KLHL5: variants seen among roughly 807,000 people sequenced by gnomAD.
KLHL5 encodes kelch-like protein 5.
KLHL5 carries 48 observed loss-of-function variants against 77.7 expected under a neutral mutation model. That is an observed-to-expected ratio of 0.62 (90% CI 0.49 to 0.79). The LOEUF (loss-of-function observed/expected upper bound fraction) is 0.79, where lower values mean the gene tolerates loss of function less well. Ranked by LOEUF, KLHL5 falls within the 30% of genes least tolerant of loss-of-function variation. The pLI is 0.00. For synonymous variants in KLHL5, 260 were observed against 297.0 expected (o/e 0.88, Z 1.28); for missense variants, 723 against 859.7 (o/e 0.84, Z 1.99).
chr4:39,139,152 G>C, the KLHL5 span, among the ~76,000 whole-genome samples: 1 of 151,910 alleles, frequency 6.6e-6, no homozygotes, highest in South Asian at 2.1e-4. Context: ...CATGTTGGCA[G>C]ACGCCTGTAA....
At chr4:39,059,463 A>G (rs933087777), upstream of KLHL5, among the ~76,000 whole-genome samples, 4 of 152,112 alleles carry the variant, frequency 2.6e-5, no homozygotes, top group Admixed American at 2.6e-4. Context: ...AAAAGAGAAT[A>G]TGGCCAAGCA....
rs765689385 is a variant in KLHL5, at chr4:39,076,114, T to C, written c.533T>C (p.Leu178Ser). Residue 178 changes from leucine to serine, a missense_variant, in exon 2 of 11, where the codon TTA becomes TCA. Coordinates refer to ENST00000504108, the MANE Select transcript of KLHL5 (RefSeq NM_015990.5). ...LRHKQLCDVI[L>S]VAGDRRIPAH... The stretch of plus-strand genomic sequence containing the variant: ...CATAAACAGTTGTGTGATGTAATTT[T>C]AGTCGCTGGTGATCGCAGAATTCCA... 1.2e-6 allele frequency: 2 copies of C among 1,606,138 alleles called. No homozygotes were observed. The highest frequency in any genetic ancestry group is 1.7e-6 in the Non-Finnish European group (2 of 1,178,132).
At chr4:39,065,957 A>T (rs1717861136) in intron 1 of KLHL5, among the ~76,000 whole-genome samples, 1 of 152,210 alleles carries the variant, frequency 6.6e-6, no homozygotes, top group Admixed American at 6.5e-5. Flanking sequence ...TTAAAGCAGG[A>T]ATTAAGGGAC....
At chr4:39,115,815 AGTC>A (rs1722794439) in intron 10 of KLHL5, 1 of 1,021,796 alleles carries the variant, frequency 9.8e-7, no homozygotes. Context: ...CTGATCTGGC[AGTC>A]TTACTAACAG....
intron 5 of KLHL5, among the ~76,000 whole-genome samples, chr4:39,092,681 A>G (rs1181472264): frequency 6.6e-6 from 1 of 152,134 alleles, no homozygotes; most frequent in East Asian, 1.9e-4. Flanking sequence ...TGCCTTTCGT[A>G]TGCAGTGCTA....
chr4:39,073,420 A>C (rs547062579), intron 1 of KLHL5, among the ~76,000 whole-genome samples: 3 of 152,264 alleles, frequency 2.0e-5, no homozygotes, highest in African/African-American at 7.2e-5. Flanking sequence ...TTTAATCATC[A>C]CTTGTAGTTT....
chr4:39,069,314 A>G (rs1338022880), intron 1 of KLHL5, among the ~76,000 whole-genome samples: 5 of 151,922 alleles, frequency 3.3e-5, no homozygotes, highest in Admixed American at 6.6e-5. Flanking sequence ...TGTGGTAGAT[A>G]TAAAGAATGG....
intron 1 of KLHL5, among the ~76,000 whole-genome samples, chr4:39,064,710 A>G (rs765675844): frequency 2.6e-5 from 4 of 152,260 alleles, no homozygotes; most frequent in East Asian, 1.9e-4. Flanking sequence ...AAATTAAGCT[A>G]TTCTTTAGTA....
Position 39,122,852 on chromosome 4 carries a change from T to A in KLHL5, c.*1786T>A, listed in dbSNP as rs1723300700. Among the ~76,000 whole-genome samples the A allele has an allele frequency of 6.6e-6, 1 of 151,670 alleles. No homozygotes were observed. The highest frequency in any genetic ancestry group is 2.4e-5 in the African/African-American group (1 of 41,298). On this transcript the variant is annotated 3_prime_UTR_variant, in exon 11 of 11. Transcript: ENST00000504108. The stretch of plus-strand genomic sequence containing the variant: ...AAAAAAAATAAAAGATTTCATTTTA[T>A]GTGAGGAATTATTTTAATAAAAAAA...
chr4:39,122,390 G>A lies in KLHL5; in HGVS notation c.*1324G>A, dbSNP rs1723256952. Among the ~76,000 whole-genome samples, 1 of 152,162 alleles carries A rather than the reference G, an allele frequency of 6.6e-6. No homozygotes were observed. The highest frequency in any genetic ancestry group is 2.1e-4 in the South Asian group (1 of 4,824). ...TTCCCTTTTTATAGCTAAGGAAATT[G>A]GGGTACAGAGAAGTTAGCCCCAAGG... On this transcript the variant is annotated 3_prime_UTR_variant, in exon 11 of 11. Coordinates refer to ENST00000504108, the MANE Select transcript of KLHL5 (RefSeq NM_015990.5).
chr4:39,062,214 A>C, upstream of KLHL5: 1 of 1,166,430 alleles, frequency 8.6e-7, no homozygotes, highest in Non-Finnish European at 1.1e-6. Flanking sequence ...TAATATACTA[A>C]GCAGCAGAGA....
At chr4:39,078,115 G>A (rs777190778) in intron 2 of KLHL5, among the ~76,000 whole-genome samples, 9 of 152,050 alleles carry the variant, frequency 5.9e-5, no homozygotes, top group African/African-American at 1.2e-4. Flanking sequence ...GAGGCCAGGC[G>A]CGATGGCTCA....
chr4:39,128,574 A>C (rs1723658833), downstream of KLHL5, among the ~76,000 whole-genome samples: 1 of 152,252 alleles, frequency 6.6e-6, no homozygotes, highest in South Asian at 2.1e-4. Flanking sequence ...AATGCCAGCC[A>C]TTCAGTGCTG....
At chr4:39,107,503 A>T (rs1722137832) in intron 7 of KLHL5, 66 bp from the exon 8 acceptor site, 1 of 1,316,060 alleles carries the variant, frequency 7.6e-7, no homozygotes, top group African/African-American at 1.5e-5. Context: ...TTATACTTCA[A>T]TTAAAATGTG....
chr4:39,060,461 C>CCACCACCACCACCA (rs1717323124), upstream of KLHL5, among the ~76,000 whole-genome samples: 1 of 149,888 alleles, frequency 6.7e-6, no homozygotes, highest in African/African-American at 2.5e-5. Context: ...ACCACCACCA[C>CCACCACCACCACCA]CACCTATTTT....
chr4:39,081,026 AAAG>A lies in KLHL5; in HGVS notation c.567-73_567-71del. ...CCATGCACTGTGAGTAACAAATAAA[AAAG>A]AAGCAGCAGCATTTATTAATGAACA... On this transcript the variant is annotated intron_variant, in intron 2 of 10. Coordinates refer to ENST00000504108, the MANE Select transcript of KLHL5 (RefSeq NM_015990.5). This position sits in a 1 kb window ranked among gnomAD's most constrained non-coding sequence, Gnocchi z 4.3. 1 of 1,433,482 alleles carries A rather than the reference AAAG, an allele frequency of 7.0e-7. No individual in the cohort carries two copies. The highest frequency in any genetic ancestry group is 9.5e-7 in the Non-Finnish European group (1 of 1,054,458). The allele number at this position is 1,433,482 out of a possible 1,614,324, so 88.8% of individuals were successfully genotyped here. A position where few individuals can be genotyped will look rare whatever the true frequency, so the allele number is the denominator to read the frequency against.
rs13109200 is a variant in KLHL5 at position 39,124,396 on chromosome 4, A to G, written c.*3330A>G. ...GAACAAGAATAAAGTTGAAGGACTC[A>G]CATTTTCCAATTTCAAAATTTACTG... On this transcript the variant is annotated 3_prime_UTR_variant, in exon 11 of 11. Coordinates refer to ENST00000504108, the MANE Select transcript of KLHL5 (RefSeq NM_015990.5). Among the ~76,000 whole-genome samples the G allele has an allele frequency of 0.54, 82,429 of 151,898 alleles. 22,669 individuals carry two copies. The highest frequency in any genetic ancestry group is 0.6 in the Admixed American group (9,093 of 15,270).
At chr4:39,076,799 G>GT (rs1206731211) in intron 2 of KLHL5, among the ~76,000 whole-genome samples, 2 of 147,074 alleles carry the variant, frequency 1.4e-5, no homozygotes, top group Admixed American at 1.4e-4. Flanking sequence ...TGTCCCAAAG[G>GT]TTTTTTTTAA....
intron 8 of KLHL5, among the ~76,000 whole-genome samples, chr4:39,111,316 T>C (rs1055514142): frequency 7.2e-5 from 11 of 152,340 alleles, no homozygotes; most frequent in South Asian, 2.1e-4. Flanking sequence ...TGAAATTCAG[T>C]TGGAGGTTAA....
Sources: allele counts gnomAD v4.1 joint callset (sites outside exome capture counted in the v4.1 genomes callset), GRCh38; gene constraint gnomAD v4.1.1; non-coding constraint Gnocchi (gnomAD v3.1); transcripts MANE v1.5; gene names NCBI Gene and HGNC (gene_info 2026-07-23, HGNC 2026-07-21).